The following LMF1 variants were observed in gnomAD, a reference collection of about 807,000 sequenced individuals.
LMF1 encodes the protein transmembrane protein 112.
Under a neutral mutation model 60.6 loss-of-function variants are expected in LMF1, and 68 were observed. That is an observed-to-expected ratio of 1.12 (90% CI 0.92 to 1.37). LMF1 has a LOEUF of 1.37. Ranked by LOEUF, LMF1 falls within the 40% of genes most tolerant of loss-of-function variation. The probability of loss-of-function intolerance (pLI) is 0.00; values close to 1 mark genes in which losing one functional copy is unlikely to be tolerated. For synonymous variants in LMF1, 418 were observed against 324.7 expected (o/e 1.29, Z -3.09); for missense variants, 948 against 767.2 (o/e 1.24, Z -2.78).
chr16:909,994 A>G (rs1452427926), intron 4 of LMF1, among the ~76,000 whole-genome samples: 2 of 152,222 alleles, frequency 1.3e-5, no homozygotes, highest in Non-Finnish European at 2.9e-5. Flanking sequence ...TTAAGCAAAC[A>G]GATGCTCAGA....
upstream of LMF1, among the ~76,000 whole-genome samples, chr16:973,300 G>A (rs1214534493): frequency 6.6e-6 from 1 of 152,116 alleles, no homozygotes; most frequent in African/African-American, 2.4e-5. Context: ...AGCCTAGATC[G>A]CGCCACTGCA....
At chr16:976,878 G>A (rs552571896) in intron 1 of LMF1, 8 of 454,114 alleles carry the variant, frequency 1.8e-5, no homozygotes, top group East Asian at 1.4e-4. Context: ...GGTCCCCAGC[G>A]GTCAGTAGCT....
At position 960,375 on chromosome 16, in the gene LMF1, G is replaced by A. The variant is rs1474771940; in HGVS notation, c.194-5709C>T. Among the ~76,000 whole-genome samples, 5 of 92,680 alleles carry A rather than the reference G, an allele frequency of 5.4e-5. No homozygotes were observed. The East Asian group carries it at 1.7e-3, about 31-fold the overall frequency. The allele number at this position is 92,680 out of a possible 152,430, so 60.8% of individuals were successfully genotyped here. A position where few individuals can be genotyped will look rare whatever the true frequency, so the allele number is the denominator to read the frequency against. On this transcript the variant is annotated intron_variant, in intron 1 of 10. Transcript: ENST00000262301. ...GATCACGACCCAGACACAGACTCAC[G>A]GTGACAGCACGGGATCACGACCCAG... is the stretch of plus-strand genomic sequence containing the variant.
intron 6 of LMF1, chr16:872,933 G>C (rs1201002733): frequency 6.6e-5 from 10 of 152,412 alleles, no homozygotes; most frequent in Middle Eastern, 3.4e-3. Flanking sequence ...GCCTGGGTCA[G>C]GGTGGGCCCT....
chr16:862,631 G>C (rs1006532058), intron 10 of LMF1, among the ~76,000 whole-genome samples: 34 of 152,148 alleles, frequency 2.2e-4, no homozygotes, highest in African/African-American at 7.5e-4. Flanking sequence ...GCTGAGGTGG[G>C]AGGACTGCCT....
At chr16:926,064 A>G (rs540627485) in intron 3 of LMF1, among the ~76,000 whole-genome samples, 1 of 152,034 alleles carries the variant, frequency 6.6e-6, no homozygotes, top group South Asian at 2.1e-4. Context: ...ACGTTTGCAT[A>G]TAATCTGCAT....
At chr16:926,702 G>C (rs913456513) in intron 3 of LMF1, among the ~76,000 whole-genome samples, 1 of 152,222 alleles carries the variant, frequency 6.6e-6, no homozygotes, top group Non-Finnish European at 1.5e-5. Flanking sequence ...CCGGCACCAC[G>C]GCCCACACCC....
At chr16:967,199 G>A (rs2072942101) in intron 1 of LMF1, among the ~76,000 whole-genome samples, 1 of 152,202 alleles carries the variant, frequency 6.6e-6, no homozygotes, top group Non-Finnish European at 1.5e-5. Flanking sequence ...CCTGGGAGGG[G>A]GATTTCAAAG....
rs1205552497 is a variant in LMF1, at chr16:877,253, T to TGTTCATCTG, written c.897+2316_897+2317insCAGATGAAC. On this transcript the variant is annotated intron_variant, in intron 6 of 10. Coordinates refer to ENST00000262301, the MANE Select transcript of LMF1 (RefSeq NM_022773.4). ...TAAAACTAAGATAATACTATGACTT[T>TGTTCATCTG]TTTTGCCAAAAGATTTGAAAACAGA... 1.1e-4 allele frequency among the ~76,000 whole-genome samples: 16 copies of TGTTCATCTG among 152,310 alleles called. No individual in the cohort carries two copies. The Middle Eastern group carries it at 0.024, about 228-fold the overall frequency.
At chr16:906,575 A>C (rs745840471) in intron 4 of LMF1, among the ~76,000 whole-genome samples, 5 of 152,058 alleles carry the variant, frequency 3.3e-5, no homozygotes, top group Non-Finnish European at 7.4e-5. Context: ...CTTGCGGGCA[A>C]CCTATCGTGG....
At chr16:918,319 T>A (rs538261113) in intron 3 of LMF1, among the ~76,000 whole-genome samples, 2 of 152,192 alleles carry the variant, frequency 1.3e-5, no homozygotes, top group South Asian at 4.1e-4. Context: ...TAGCCCCAGG[T>A]GTCCCTGTGG....
upstream of LMF1, chr16:975,638 A>C (rs2073121225): frequency 5.3e-6 from 2 of 373,942 alleles, no homozygotes; most frequent in Non-Finnish European, 1.0e-5. Context: ...CTGTTGTCTG[A>C]ACCAAGGCCA....
At chr16:914,710 C>T (rs1488192168) in intron 3 of LMF1, among the ~76,000 whole-genome samples, 40 of 1,128 alleles carry the variant, frequency 0.035, no homozygotes, top group Admixed American at 0.066. Context: ...CTCCCTCCCA[C>T]GACCATTGGT....
chr16:888,267 G>T (rs1043753239), intron 5 of LMF1, among the ~76,000 whole-genome samples: 1 of 152,226 alleles, frequency 6.6e-6, no homozygotes, highest in African/African-American at 2.4e-5. Flanking sequence ...CGTCTGGGAA[G>T]TGGCTCCGAA....
intron 3 of LMF1, 152 bp from the exon 4 acceptor site, chr16:911,231 A>G (rs771081580): frequency 2.9e-5 from 26 of 890,884 alleles, no homozygotes; most frequent in African/African-American, 2.2e-4. Context: ...TAGTCTCAAC[A>G]TCGACACGCA....
At chr16:894,736 G>C (rs1876117115) in intron 4 of LMF1, among the ~76,000 whole-genome samples, 1 of 152,232 alleles carries the variant, frequency 6.6e-6, no homozygotes, top group Non-Finnish European at 1.5e-5. Flanking sequence ...CCACACGGTG[G>C]GAAGAGGGTG....
intron 3 of LMF1, among the ~76,000 whole-genome samples, chr16:925,101 C>T (rs563432651): frequency 1.7e-4 from 26 of 152,310 alleles, no homozygotes; most frequent in Admixed American, 4.6e-4. Context: ...TGGGTGGTGA[C>T]GAAACCGCCC....
upstream of LMF1, among the ~76,000 whole-genome samples, chr16:971,214 G>C (rs1182525731): frequency 6.6e-6 from 1 of 152,224 alleles, no homozygotes; most frequent in African/African-American, 2.4e-5. Context: ...CGCTGCTGCG[G>C]GTAGGGCGCG....
In LMF1 at chr16:970,952, G is replaced by C; in HGVS notation, c.29C>G (p.Ala10Gly). 6.5e-7 allele frequency: 1 copy of C among 1,538,492 alleles called. No homozygotes were observed. The highest frequency in any genetic ancestry group is 8.8e-7 in the Non-Finnish European group (1 of 1,137,770). ...CCGCCTCCTCAGCGACTCCGCGGGC[G>C]CCGCCATTGTTGGGCTGTCAGGGCG... Reference protein sequence around the residue: MRPDSPTMAAPAESLRRRKT... With the variant: MRPDSPTMAGPAESLRRRKT... Residue 10 changes from alanine to glycine, a missense_variant, in exon 1 of 11, where the codon GCG becomes GGG. Ala to Gly is a moderately conservative substitution (Grantham distance 60, BLOSUM62 0). Coordinates refer to ENST00000262301, the MANE Select transcript of LMF1 (RefSeq NM_022773.4).
Sources: allele counts gnomAD v4.1 joint callset (sites outside exome capture counted in the v4.1 genomes callset), GRCh38; gene constraint gnomAD v4.1.1; transcripts MANE v1.5; gene names NCBI Gene and HGNC (gene_info 2026-07-23, HGNC 2026-07-21).